Variants in RGL1 observed in about 807,000 individuals in gnomAD.
The protein encoded by RGL1 is ral guanine nucleotide dissociation stimulator-like 1.
A neutral mutation model predicts 95.2 loss-of-function variants in RGL1; 24 were observed. The observed-to-expected ratio is 0.25, with a 90% CI of 0.18 to 0.35. The LOEUF is 0.35. RGL1 is among the 10% of genes least tolerant of loss of function. The probability of loss-of-function intolerance (pLI) is 1.00; values close to 1 mark genes in which losing one functional copy is unlikely to be tolerated. For missense variants in RGL1, 715 were observed against 936.3 expected (o/e 0.76, Z 3.08); for synonymous variants, 329 against 344.9 (o/e 0.95, Z 0.51).
At chr1:183,856,580 G>A (rs1302046654) in intron 3 of RGL1, among the ~76,000 whole-genome samples, 1 of 150,700 alleles carries the variant, frequency 6.6e-6, no homozygotes, top group Admixed American at 6.6e-5. Context: ...AAGCATGGCT[G>A]GAGCCAGAAT....
chr1:183,853,216 G>A (rs1664935427), intron 3 of RGL1, among the ~76,000 whole-genome samples: 1 of 152,070 alleles, frequency 6.6e-6, no homozygotes, highest in South Asian at 2.1e-4. Flanking sequence ...CATGCCTGTA[G>A]CCCTAGGGAG....
chr1:183,654,872 G>C (rs1212217622), intron 1 of RGL1, among the ~76,000 whole-genome samples: 3 of 152,194 alleles, frequency 2.0e-5, no homozygotes, highest in African/African-American at 7.2e-5. Context: ...AAGACTCCAA[G>C]GAATGTTAAG....
At chr1:183,826,396 G>C (rs183056675) in intron 2 of RGL1, among the ~76,000 whole-genome samples, 11 of 152,166 alleles carry the variant, frequency 7.2e-5, no homozygotes, top group Admixed American at 5.9e-4. Context: ...TTGTTCATTT[G>C]TTTCATTGTT....
At chr1:183,678,742 G>T (rs11802633) in intron 1 of RGL1, among the ~76,000 whole-genome samples, 1 of 152,042 alleles carries the variant, frequency 6.6e-6, no homozygotes, top group Non-Finnish European at 1.5e-5. Context: ...TTGAAAGAAT[G>T]AGTCTATTTC....
At chr1:183,806,577 T>C (rs1661353074) in intron 2 of RGL1, 92 bp downstream of exon 2, 10 of 857,516 alleles carry the variant, frequency 1.2e-5, no homozygotes, top group African/African-American at 1.7e-5. Flanking sequence ...AGGCTTTTTT[T>C]TTTTTCCTCT....
chr1:183,791,307 T>C (rs1660431895), intron 2 of RGL1, among the ~76,000 whole-genome samples: 1 of 152,226 alleles, frequency 6.6e-6, no homozygotes, highest in Non-Finnish European at 1.5e-5. Flanking sequence ...CCACAGTTGA[T>C]TTTCTAAAGT....
At chr1:183,647,792 G>A (rs748238048) in intron 1 of RGL1, 2 of 1,614,128 alleles carry the variant, frequency 1.2e-6, no homozygotes, top group East Asian at 2.2e-5. Context: ...CAAGGTCCTT[G>A]GTTTCCTGGA....
chr1:183,923,480 C>G (rs1450030008), intron 17 of RGL1, among the ~76,000 whole-genome samples: 1 of 152,146 alleles, frequency 6.6e-6, no homozygotes. Flanking sequence ...AAGATGGTCT[C>G]AAGTTGTACC....
At chr1:183,880,530 C>T (rs1035988421) in intron 4 of RGL1, 86 bp from the exon 5 acceptor site, 6 of 1,218,076 alleles carry the variant, frequency 4.9e-6, no homozygotes, top group Non-Finnish European at 5.8e-6. Context: ...TCCAGGGGTG[C>T]CCCTGGGGTC....
At chr1:183,783,071 G>A (rs1423930489) in intron 2 of RGL1, among the ~76,000 whole-genome samples, 1 of 152,124 alleles carries the variant, frequency 6.6e-6, no homozygotes, top group Non-Finnish European at 1.5e-5. Flanking sequence ...CAGGATCCTT[G>A]AGTTTCCTAT....
rs971452465 is a variant in RGL1, at chr1:183,883,279, A to C, written c.611-507A>C. ...TAGCTTTGGGTGGAAGTTGAAAGTG[A>C]CTCTGAACATTTTGAGAATTTTGAG... On this transcript the variant is annotated intron_variant, in intron 5 of 17. Transcript: ENST00000360851. 3.7e-4 allele frequency among the ~76,000 whole-genome samples: 56 copies of C among 152,088 alleles called. 1 individual carries two copies. The highest frequency in any genetic ancestry group is 3.5e-3 in the Admixed American group (54 of 15,270).
At chr1:183,670,637 T>G (rs1289769521) in intron 1 of RGL1, among the ~76,000 whole-genome samples, 1 of 152,222 alleles carries the variant, frequency 6.6e-6, no homozygotes, top group Non-Finnish European at 1.5e-5. Flanking sequence ...TGATTCTCAG[T>G]ATCTGCCTGT....
At chr1:183,659,370 A>T (rs540041256) in intron 1 of RGL1, among the ~76,000 whole-genome samples, 1 of 152,368 alleles carries the variant, frequency 6.6e-6, no homozygotes, top group East Asian at 1.9e-4. Context: ...AAAGGAGCTG[A>T]TGGAGCTGAA....
intron 1 of RGL1, among the ~76,000 whole-genome samples, chr1:183,662,844 G>A (rs1034725972): frequency 5.9e-5 from 9 of 152,254 alleles, no homozygotes; most frequent in African/African-American, 1.9e-4. Context: ...AAACAGCATG[G>A]TACTGGTACC....
At chr1:183,851,991 A>T (rs1395706979) in intron 3 of RGL1, among the ~76,000 whole-genome samples, 1 of 152,224 alleles carries the variant, frequency 6.6e-6, no homozygotes, top group Non-Finnish European at 1.5e-5. Context: ...TCTCTGACAT[A>T]ATTTTAAAAA....
At chr1:183,693,511 C>G (rs745626688) in intron 1 of RGL1, among the ~76,000 whole-genome samples, 4 of 151,346 alleles carry the variant, frequency 2.6e-5, no homozygotes, top group Non-Finnish European at 5.9e-5. Context: ...TCGATCATTC[C>G]TCCCCTCCTT....
intron 1 of RGL1, among the ~76,000 whole-genome samples, chr1:183,661,925 T>G (rs775884486): frequency 2.7e-3 from 373 of 137,486 alleles, no homozygotes; most frequent in African/African-American, 6.5e-3. Flanking sequence ...TCAATAAATG[T>G]AATCCAGCAT....
intron 1 of RGL1, among the ~76,000 whole-genome samples, chr1:183,691,091 A>C (rs2102111690): frequency 6.6e-6 from 1 of 152,238 alleles, no homozygotes; most frequent in Non-Finnish European, 1.5e-5. Context: ...TAGTGCTTTA[A>C]CCAGCAAACA....
chr1:183,801,039 T>C (rs1346207576), upstream of RGL1, among the ~76,000 whole-genome samples: 1 of 53,030 alleles, frequency 1.9e-5, no homozygotes, highest in Non-Finnish European at 4.3e-5. Flanking sequence ...CTTTAATTTT[T>C]TGAGGAACCA....
Sources: allele counts gnomAD v4.1 joint callset (sites outside exome capture counted in the v4.1 genomes callset), GRCh38; gene constraint gnomAD v4.1.1; transcripts MANE v1.5; gene names NCBI Gene and HGNC (gene_info 2026-07-23, HGNC 2026-07-21).